Variants in SLC24A2 observed in about 807,000 individuals in gnomAD.
SLC24A2 encodes the protein solute carrier family 24 member 2.
SLC24A2 carries 36 observed loss-of-function variants against 62.0 expected under a neutral mutation model. The ratio of observed to expected loss-of-function variants is 0.58; its 90% CI spans 0.44 to 0.77. The LOEUF is 0.77. Ranked by LOEUF, SLC24A2 falls within the 30% of genes least tolerant of loss-of-function variation. SLC24A2 has a pLI of 0.00. For synonymous variants in SLC24A2, 358 were observed against 294.0 expected, an observed-to-expected ratio of 1.22 and a Z score of -2.23; for missense variants, 846 against 817.9, an observed-to-expected ratio of 1.03 and a Z score of -0.42.
intron 8 of SLC24A2, among the ~76,000 whole-genome samples, chr9:19,535,304 C>T (rs983271328): frequency 3.9e-5 from 6 of 152,114 alleles, no homozygotes; most frequent in Non-Finnish European, 7.4e-5. Context: ...CTGTAGGTTG[C>T]CTATTCACTC....
Position 19,528,054 on chromosome 9 carries a change from G to A in SLC24A2, c.1564C>T (p.His522Tyr). 6.3e-7 allele frequency: 1 copy of A among 1,580,010 alleles called. No individual in the cohort carries two copies. The highest frequency in any genetic ancestry group is 2.3e-5 in the East Asian group (1 of 44,262). The change falls in exon 9 of 11, where the codon CAC becomes TAC. Residue 522 changes from histidine (H) to tyrosine (Y), a missense_variant. His to Tyr is a moderately conservative substitution (Grantham distance 83). Coordinates refer to ENST00000341998, the MANE Select transcript of SLC24A2 (RefSeq NM_020344.4). ...VFSYLMVWWA[H>Y]QVGETIGISE... ...TGTCACTATCAAAATCTTACCTGGT[G>A]CGCCCACCAGACCATCAAGTAAGAG...
intron 8 of SLC24A2, among the ~76,000 whole-genome samples, chr9:19,546,004 CCT>C (rs1491577271): frequency 6.6e-6 from 1 of 152,174 alleles, no homozygotes; most frequent in African/African-American, 2.4e-5. Context: ...CACTCCAGAC[CCT>C]GTTTGCCTGG....
chr9:19,549,979 TC>T (rs199753033), intron 8 of SLC24A2, among the ~76,000 whole-genome samples, 157 bp downstream of exon 8: 8 of 152,202 alleles, frequency 5.3e-5, no homozygotes, highest in African/African-American at 1.9e-4. Flanking sequence ...AAATATTTTT[TC>T]TTGTTACATA....
the SLC24A2 span, among the ~76,000 whole-genome samples, chr9:19,817,555 G>GTATAAATT: frequency 6.6e-6 from 1 of 150,966 alleles, no homozygotes; most frequent in African/African-American, 2.4e-5. Flanking sequence ...TTTTATAATG[G>GTATAAATT]CCATATGAAG....
the SLC24A2 span, among the ~76,000 whole-genome samples, chr9:20,275,788 G>A: frequency 2.6e-5 from 4 of 152,166 alleles, no homozygotes; most frequent in African/African-American, 7.2e-5. Flanking sequence ...GGCTGGGGAG[G>A]CCTCACAATC....
At chr9:19,801,552 G>C in the SLC24A2 span, among the ~76,000 whole-genome samples, 1 of 152,248 alleles carries the variant, frequency 6.6e-6, no homozygotes, top group Admixed American at 6.5e-5. Flanking sequence ...GGGAACCAAA[G>C]AGGGTAGCCG....
At chr9:19,889,780 T>C in the SLC24A2 span, among the ~76,000 whole-genome samples, 1 of 152,234 alleles carries the variant, frequency 6.6e-6, no homozygotes, top group East Asian at 1.9e-4. Flanking sequence ...CCTATGCCAA[T>C]GATTCATTCT....
the SLC24A2 span, among the ~76,000 whole-genome samples, chr9:20,175,239 G>T: frequency 1.3e-5 from 2 of 151,854 alleles, no homozygotes; most frequent in Admixed American, 1.3e-4. Flanking sequence ...CAGGGGGAAA[G>T]GTGGGAAGGC....
chr9:19,934,540 C>G, the SLC24A2 span, among the ~76,000 whole-genome samples: 1 of 152,188 alleles, frequency 6.6e-6, no homozygotes. This position sits in a 1 kb window ranked among gnomAD's most constrained non-coding sequence, Gnocchi z 4.1. Flanking sequence ...ACCGTGCGCG[C>G]CCATGGCGGG....
the SLC24A2 span, among the ~76,000 whole-genome samples, chr9:19,962,516 G>C: frequency 2.6e-5 from 4 of 152,270 alleles, no homozygotes; most frequent in Admixed American, 1.3e-4. Flanking sequence ...TCTTCCATTT[G>C]TTTGTATCCT....
intron 2 of SLC24A2, among the ~76,000 whole-genome samples, chr9:19,665,485 A>G (rs1174952090): frequency 6.6e-6 from 1 of 152,142 alleles, no homozygotes; most frequent in Non-Finnish European, 1.5e-5. Context: ...AATAGACTTC[A>G]ATTGAAATGC....
At chr9:20,207,479 C>G in the SLC24A2 span, among the ~76,000 whole-genome samples, 5 of 152,298 alleles carry the variant, frequency 3.3e-5, no homozygotes, top group Middle Eastern at 3.4e-3. Flanking sequence ...TAAAATTAGG[C>G]TAAGAAATGA....
chr9:20,197,556 C>A, the SLC24A2 span, among the ~76,000 whole-genome samples: 3 of 151,610 alleles, frequency 2.0e-5, no homozygotes, highest in Non-Finnish European at 2.9e-5. Context: ...CTCACCCTCC[C>A]GAGTAGCTGA....
chr9:19,833,367 C>G, the SLC24A2 span, among the ~76,000 whole-genome samples: 2 of 152,156 alleles, frequency 1.3e-5, no homozygotes, highest in African/African-American at 4.8e-5. Context: ...AAAATTGGGT[C>G]ACTCCCACCC....
the SLC24A2 span, among the ~76,000 whole-genome samples, chr9:19,831,653 A>G: frequency 2.6e-5 from 4 of 152,224 alleles, no homozygotes; most frequent in Admixed American, 6.5e-5. Flanking sequence ...TAGGAAGACA[A>G]CATTGTCTTT....
the SLC24A2 span, among the ~76,000 whole-genome samples, chr9:20,238,964 G>A: frequency 6.6e-6 from 1 of 152,274 alleles, no homozygotes; most frequent in South Asian, 2.1e-4. Context: ...CCACGGGAGG[G>A]CACATCTAGA....
Position 19,599,003 on chromosome 9 carries a change from G to T in SLC24A2, c.1079-1724C>A, listed in dbSNP as rs1031173078. 6.6e-6 allele frequency among the ~76,000 whole-genome samples: 1 copy of T among 152,096 alleles called. No individual in the cohort carries two copies. Among genetic ancestry groups the T allele is most frequent in the Non-Finnish European group, 1.5e-5 (1 of 68,038 alleles). ...GAGTGGCTCTGTGTTTGCAAAGTTG[G>T]ATGTAAACTATATTCTACACAGTGA... is the stretch of plus-strand genomic sequence containing the variant. On this transcript the variant is annotated intron_variant, in intron 4 of 10. Transcript: ENST00000341998. This position sits in a 1 kb window ranked among gnomAD's most constrained non-coding sequence, Gnocchi z 4.5.
intron 2 of SLC24A2, among the ~76,000 whole-genome samples, chr9:19,768,677 G>A (rs531647820): frequency 3.3e-5 from 5 of 152,320 alleles, no homozygotes; most frequent in African/African-American, 9.6e-5. Flanking sequence ...TGGAATGGCA[G>A]CACTCAACTT....
chr9:20,211,364 T>G, the SLC24A2 span, among the ~76,000 whole-genome samples: 20 of 152,042 alleles, frequency 1.3e-4, no homozygotes, highest in East Asian at 3.7e-3. Context: ...AATACAAAAT[T>G]AGCTGGGTAT....
Sources: gnomAD v4.1 joint callset for allele counts (sites outside exome capture counted in the v4.1 genomes callset) on GRCh38, gnomAD v4.1.1 for gene constraint, Gnocchi (gnomAD v3.1) non-coding constraint, MANE v1.5 for transcripts, NCBI Gene and HGNC (gene_info 2026-07-23, HGNC 2026-07-21) for gene names.